FSTL4: variants seen among roughly 807,000 people sequenced by gnomAD.
FSTL4 encodes follistatin like 4.
FSTL4 carries 28 observed loss-of-function variants against 78.2 expected under a neutral mutation model. That is an observed-to-expected ratio of 0.36 (90% CI 0.27 to 0.49). The LOEUF is 0.49. Ranked by LOEUF, FSTL4 falls within the 20% of genes least tolerant of loss-of-function variation. The pLI is 0.98. For synonymous variants in FSTL4, 422 were observed against 440.5 expected, an observed-to-expected ratio of 0.96 and a Z score of 0.53; for missense variants, 922 against 1,084.9, an observed-to-expected ratio of 0.85 and a Z score of 2.11.
At chr5:133,693,370 A>T in the FSTL4 span, among the ~76,000 whole-genome samples, 1 of 152,228 alleles carries the variant, frequency 6.6e-6, no homozygotes, top group Non-Finnish European at 1.5e-5. Context: ...AAGAAATTAT[A>T]TACAAATTAT....
intron 6 of FSTL4, among the ~76,000 whole-genome samples, chr5:133,294,627 T>C (rs1013024139): frequency 2.0e-5 from 3 of 152,186 alleles, no homozygotes; most frequent in African/African-American, 4.8e-5. Flanking sequence ...CTCTCCACCT[T>C]ACAGGTGGCC....
chr5:133,443,862 C>T (rs1043200338), intron 3 of FSTL4, among the ~76,000 whole-genome samples: 9 of 152,230 alleles, frequency 5.9e-5, no homozygotes, highest in African/African-American at 1.2e-4. Context: ...CTTTCACCTA[C>T]GCAATTCTCA....
At chr5:133,218,244 T>A (rs543613034) in intron 12 of FSTL4, among the ~76,000 whole-genome samples, 2 of 152,188 alleles carry the variant, frequency 1.3e-5, no homozygotes, top group Non-Finnish European at 2.9e-5. Flanking sequence ...CCCCATCCAA[T>A]GTCTCACAAG....
chr5:133,548,795 G>A (rs1580782114), intron 3 of FSTL4, among the ~76,000 whole-genome samples: 1 of 152,210 alleles, frequency 6.6e-6, no homozygotes, highest in East Asian at 1.9e-4. Flanking sequence ...TGAAGAAAAG[G>A]TTAATGAACT....
At chr5:133,235,537 A>C (rs985485904) in intron 7 of FSTL4, among the ~76,000 whole-genome samples, 2 of 149,684 alleles carry the variant, frequency 1.3e-5, no homozygotes, top group Admixed American at 1.3e-4. Context: ...CTGGCTAATT[A>C]GCTGGATGAA....
At chr5:133,627,002 A>T in the FSTL4 span, among the ~76,000 whole-genome samples, 2 of 152,008 alleles carry the variant, frequency 1.3e-5, no homozygotes, top group Non-Finnish European at 2.9e-5. Context: ...TCCAACTATA[A>T]CTGAATGTGT....
the FSTL4 span, among the ~76,000 whole-genome samples, chr5:133,751,947 A>G: frequency 6.6e-6 from 1 of 152,324 alleles, no homozygotes; most frequent in African/African-American, 2.4e-5. Context: ...CTGGCAGGTC[A>G]GCAACATCAT....
intron 2 of FSTL4, among the ~76,000 whole-genome samples, chr5:133,582,736 T>G (rs1760448825): frequency 6.6e-6 from 1 of 152,214 alleles, no homozygotes; most frequent in Admixed American, 6.5e-5. Flanking sequence ...CCTTTGGGGC[T>G]GCCCATTGGC....
intron 3 of FSTL4, among the ~76,000 whole-genome samples, chr5:133,492,229 T>C (rs1238665739): frequency 6.6e-6 from 1 of 152,238 alleles, no homozygotes; most frequent in Non-Finnish European, 1.5e-5. Context: ...TTGTTTCATA[T>C]TTTAAATGAC....
chr5:133,282,274 C>T (rs981333518), intron 6 of FSTL4, among the ~76,000 whole-genome samples: 10 of 152,062 alleles, frequency 6.6e-5, no homozygotes, highest in South Asian at 2.1e-4. Flanking sequence ...CACATGAACA[C>T]GGCCAGGAGC....
chr5:133,481,539 CAAAAA>C (rs34556142), intron 3 of FSTL4, among the ~76,000 whole-genome samples: 1 of 65,558 alleles, frequency 1.5e-5, no homozygotes. Context: ...GAGACTGTCT[CAAAAA>C]AAAAAAAAAA....
At chr5:133,240,180 C>T (rs182094196) in intron 7 of FSTL4, among the ~76,000 whole-genome samples, 23 of 152,246 alleles carry the variant, frequency 1.5e-4, no homozygotes, top group Admixed American at 5.9e-4. Flanking sequence ...CAAACGCATC[C>T]GAGCATCAGA....
the FSTL4 span, among the ~76,000 whole-genome samples, chr5:133,642,494 C>T: frequency 4.6e-5 from 7 of 152,180 alleles, no homozygotes; most frequent in African/African-American, 1.7e-4. Flanking sequence ...AGTCAACTGC[C>T]TGCAAAGACA....
chr5:133,635,984 T>C, the FSTL4 span, among the ~76,000 whole-genome samples: 1 of 152,278 alleles, frequency 6.6e-6, no homozygotes, highest in African/African-American at 2.4e-5. Context: ...TGTCACCTCA[T>C]AGTGCATGGC....
chr5:133,745,440 G>T, the FSTL4 span, among the ~76,000 whole-genome samples: 1 of 152,214 alleles, frequency 6.6e-6, no homozygotes, highest in Non-Finnish European at 1.5e-5. Flanking sequence ...CTGGTGGGGG[G>T]TAGAGGGCTG....
chr5:133,719,728 C>T, the FSTL4 span, among the ~76,000 whole-genome samples: 2 of 149,684 alleles, frequency 1.3e-5, no homozygotes, highest in Non-Finnish European at 1.5e-5. Context: ...GAAATAGTTC[C>T]TTATTTATAA....
intron 4 of FSTL4, among the ~76,000 whole-genome samples, chr5:133,341,224 C>T (rs1040317113): frequency 1.6e-5 from 2 of 127,608 alleles, no homozygotes; most frequent in Non-Finnish European, 3.3e-5. Flanking sequence ...TTCCTGCTCA[C>T]ATTTTTTTTT....
chr5:133,562,006 C>A (rs1463908481), intron 3 of FSTL4, among the ~76,000 whole-genome samples: 1 of 152,198 alleles, frequency 6.6e-6, no homozygotes, highest in East Asian at 1.9e-4. Flanking sequence ...TCACTCTCAA[C>A]TTCTTTGAGC....
intron 4 of FSTL4, among the ~76,000 whole-genome samples, chr5:133,327,693 G>A (rs966832826): frequency 6.6e-6 from 1 of 152,200 alleles, no homozygotes; most frequent in Admixed American, 6.5e-5. Flanking sequence ...GGGGAGGAGG[G>A]CATGGCTACA....
Sources: allele counts gnomAD v4.1 joint callset (sites outside exome capture counted in the v4.1 genomes callset), GRCh38; gene constraint gnomAD v4.1.1; transcripts MANE v1.5; gene names NCBI Gene and HGNC (gene_info 2026-07-23, HGNC 2026-07-21).